The following ELL variants were observed in gnomAD, a reference collection of about 807,000 sequenced individuals.
ELL encodes elongation factor for RNA polymerase II.
A neutral mutation model predicts 64.0 loss-of-function variants in ELL; 18 were observed. That is an observed-to-expected ratio of 0.28 (90% CI 0.19 to 0.42). ELL has a LOEUF of 0.42. ELL is among the 10% of genes least tolerant of loss of function. The pLI is 1.00. For synonymous variants in ELL, 399 were observed against 376.2 expected (o/e 1.06, Z -0.70); for missense variants, 797 against 870.4 (o/e 0.92, Z 1.06).
At chr19:18,488,548 C>A (rs1975463709) in intron 1 of ELL, among the ~76,000 whole-genome samples, 1 of 152,192 alleles carries the variant, frequency 6.6e-6, no homozygotes, top group Non-Finnish European at 1.5e-5. Flanking sequence ...CTCCCAGCAT[C>A]CACGGGGCGG....
In ELL at chr19:18,488,557, G is replaced by A. The variant is rs372739309; in HGVS notation, c.136-15675C>T. Among the ~76,000 whole-genome samples the A allele has an allele frequency of 4.3e-4, 66 of 152,302 alleles. 1 individual carries two copies. In the South Asian group the frequency reaches 0.013, roughly 29 times the overall value. The stretch of plus-strand genomic sequence containing the variant: ...TGCATGCTCCCAGCATCCACGGGGC[G>A]GGGGCTAGAACAGAACATGCTCTGC... On this transcript the variant is annotated intron_variant, in intron 1 of 11. Transcript: ENST00000262809.
At chr19:18,486,301 G>A (rs1006548496) in intron 1 of ELL, among the ~76,000 whole-genome samples, 1 of 152,184 alleles carries the variant, frequency 6.6e-6, no homozygotes, top group Non-Finnish European at 1.5e-5. Flanking sequence ...AGGCTGCTGA[G>A]CACCTCGTCC....
intron 1 of ELL, among the ~76,000 whole-genome samples, chr19:18,499,990 G>T (rs1360823212): frequency 6.6e-6 from 1 of 152,226 alleles, no homozygotes; most frequent in Non-Finnish European, 1.5e-5. Context: ...GGCCAGGTGT[G>T]GTGGCTCACG....
At chr19:18,463,304 G>A (rs1158099584) in intron 4 of ELL, among the ~76,000 whole-genome samples, 1 of 146,038 alleles carries the variant, frequency 6.8e-6, no homozygotes, top group African/African-American at 2.5e-5. Flanking sequence ...CTGTGAGACA[G>A]AGGAACACGC....
intron 1 of ELL, among the ~76,000 whole-genome samples, chr19:18,512,319 T>A (rs762587658): frequency 3.3e-5 from 5 of 150,516 alleles, no homozygotes; most frequent in Non-Finnish European, 7.4e-5. Context: ...AGCAGAAAGC[T>A]CCGTCTCAAA....
chr19:18,446,218 G>C, intron 10 of ELL, 91 bp downstream of exon 10: 2 of 1,413,558 alleles, frequency 1.4e-6, no homozygotes, highest in Non-Finnish European at 1.9e-6. Context: ...AGACTCTGGG[G>C]CCACCAAGCT....
intron 1 of ELL, among the ~76,000 whole-genome samples, chr19:18,480,101 G>A (rs1400994895): frequency 6.6e-6 from 1 of 152,216 alleles, no homozygotes; most frequent in Non-Finnish European, 1.5e-5. Flanking sequence ...ACCAGTGTCA[G>A]CACACACGTC....
At chr19:18,489,899 G>A (rs554195030) in intron 1 of ELL, among the ~76,000 whole-genome samples, 4 of 152,256 alleles carry the variant, frequency 2.6e-5, no homozygotes, top group African/African-American at 9.6e-5. Context: ...GACCCCTGGG[G>A]CTGATGGCCT....
At position 18,445,270 on chromosome 19, in the gene ELL, TAGA is replaced by T. The variant is rs779356130; in HGVS notation, c.1705-5_1705-3del. 42 of 1,613,580 alleles carry T rather than the reference TAGA, an allele frequency of 2.6e-5. No homozygotes were observed. Among genetic ancestry groups the T allele is most frequent in the Non-Finnish European group, 3.5e-5 (41 of 1,179,966 alleles). On this transcript the variant is annotated splice_region_variant and splice_polypyrimidine_tract_variant and intron_variant, in intron 10 of 11. Coordinates refer to ENST00000262809, the MANE Select transcript of ELL (RefSeq NM_006532.4). ...CTGCAAAATCTGCCCTCGAGTAGTC[TAGA>T]AGAAAAACAAAATTTTGAGAAAACA...
intron 1 of ELL, 80 bp downstream of exon 1, chr19:18,521,841 G>C: frequency 6.7e-7 from 1 of 1,489,474 alleles, no homozygotes; most frequent in Non-Finnish European, 8.9e-7. Context: ...CTCCGAGCCC[G>C]GACGCCTCAG....
chr19:18,486,053 G>A (rs1261860028), intron 1 of ELL, among the ~76,000 whole-genome samples: 2 of 151,640 alleles, frequency 1.3e-5, no homozygotes, highest in African/African-American at 2.4e-5. Flanking sequence ...GATGCATCAC[G>A]AAGCCCCTCA....
At chr19:18,473,167 G>T in intron 1 of ELL, 1 of 662,156 alleles carries the variant, frequency 1.5e-6, no homozygotes, top group Non-Finnish European at 2.8e-6. Context: ...GGCCCAGGAT[G>T]CAGGGGCGGG....
rs761273133 is a variant in ELL at position 18,465,788 on chromosome 19, G to A, written c.305+9C>T. 3 of 1,418,808 alleles carry A rather than the reference G, an allele frequency of 2.1e-6. No homozygotes were observed. Among genetic ancestry groups the A allele is most frequent in the East Asian group, 5.3e-5 (2 of 37,628 alleles). The allele number at this position is 1,418,808 out of a possible 1,614,324, so 87.9% of individuals were successfully genotyped here. A position where few individuals can be genotyped will look rare whatever the true frequency, so the allele number is the denominator to read the frequency against. On this transcript the variant is annotated intron_variant, in intron 3 of 11. Transcript: ENST00000262809. ...CGGCGGGGTGCTCTGGGGTGGGGCG[G>A]CGCCTCACCTGGAGACATACTGCTG... is the stretch of plus-strand genomic sequence containing the variant.
intron 1 of ELL, among the ~76,000 whole-genome samples, chr19:18,520,826 C>A (rs1224587843): frequency 6.6e-6 from 1 of 151,692 alleles, no homozygotes; most frequent in Non-Finnish European, 1.5e-5. Context: ...ATGAAGCCCC[C>A]AATTTCCAGA....
chr19:18,445,016 C>G, intron 11 of ELL, 148 bp from the exon 12 acceptor site: 1 of 1,082,560 alleles, frequency 9.2e-7, no homozygotes, highest in Admixed American at 2.0e-5. Context: ...GGGAGTTGGT[C>G]CCCCGCACCT....
At chr19:18,461,963 G>C in intron 4 of ELL, 111 bp from the exon 5 acceptor site, 1 of 1,360,860 alleles carries the variant, frequency 7.3e-7, no homozygotes, top group Middle Eastern at 2.0e-4. Context: ...GCTGGTGGGA[G>C]GCACCACACC....
chr19:18,512,134 G>C (rs1487374457), intron 1 of ELL, among the ~76,000 whole-genome samples: 1 of 148,504 alleles, frequency 6.7e-6, no homozygotes, highest in East Asian at 2.0e-4. Context: ...CAGTCTAGGC[G>C]ACAGAGTAAG....
At chr19:18,477,694 TCAAA>T (rs759737310) in intron 1 of ELL, among the ~76,000 whole-genome samples, 59 of 152,102 alleles carry the variant, frequency 3.9e-4, no homozygotes, top group Non-Finnish European at 7.5e-4. Flanking sequence ...AAAGATTCGC[TCAAA>T]CAAATGCTGA....
At chr19:18,513,202 A>G (rs1358918309) in intron 1 of ELL, among the ~76,000 whole-genome samples, 3 of 152,188 alleles carry the variant, frequency 2.0e-5, no homozygotes, top group Non-Finnish European at 4.4e-5. Context: ...ACACATGGGC[A>G]TGCCAGGCCG....
Sources: gnomAD v4.1 joint callset for allele counts (sites outside exome capture counted in the v4.1 genomes callset) on GRCh38, gnomAD v4.1.1 for gene constraint, MANE v1.5 for transcripts, NCBI Gene and HGNC (gene_info 2026-07-23, HGNC 2026-07-21) for gene names.